The following DCDC2 variants were observed in gnomAD, a reference collection of about 807,000 sequenced individuals.
DCDC2 encodes doublecortin domain containing 2.
A neutral mutation model predicts 50.2 loss-of-function variants in DCDC2; 40 were observed. That is an observed-to-expected ratio of 0.80 (90% CI 0.62 to 1.04). The LOEUF is 1.04. Ranked by LOEUF, DCDC2 falls within the 50% of genes least tolerant of loss-of-function variation. The pLI is 0.00. For synonymous variants in DCDC2, 234 were observed against 210.6 expected (o/e 1.11, Z -0.96); for missense variants, 570 against 581.9 (o/e 0.98, Z 0.21).
intron 2 of DCDC2, among the ~76,000 whole-genome samples, chr6:24,308,025 G>A (rs1759505978): frequency 6.6e-6 from 1 of 152,178 alleles, no homozygotes; most frequent in African/African-American, 2.4e-5. Flanking sequence ...AACCTCCATA[G>A]ACAGTCAGCC....
chr6:24,255,968 C>G (rs1165915587), intron 7 of DCDC2, among the ~76,000 whole-genome samples: 12 of 152,094 alleles, frequency 7.9e-5, no homozygotes, highest in Admixed American at 6.6e-4. Flanking sequence ...CTCAATCAAG[C>G]CCCAAACTGG....
At chr6:24,363,499 T>C in the DCDC2 span, among the ~76,000 whole-genome samples, 2 of 152,034 alleles carry the variant, frequency 1.3e-5, no homozygotes, top group Non-Finnish European at 2.9e-5. Context: ...AGACCCTGTC[T>C]CAAAAAATCA....
intron 2 of DCDC2, among the ~76,000 whole-genome samples, chr6:24,303,258 G>A (rs897020106): frequency 6.6e-6 from 1 of 151,936 alleles, no homozygotes; most frequent in African/African-American, 2.4e-5. Flanking sequence ...CTTTAATACT[G>A]GAAGATAAAT....
chr6:24,284,818 T>C (rs989364620), intron 6 of DCDC2, among the ~76,000 whole-genome samples: 1 of 152,094 alleles, frequency 6.6e-6, no homozygotes, highest in Non-Finnish European at 1.5e-5. Context: ...GTGACTTTGT[T>C]TCCTCTGCCT....
chr6:24,257,639 G>T (rs191786540), intron 7 of DCDC2, among the ~76,000 whole-genome samples: 4 of 151,620 alleles, frequency 2.6e-5, no homozygotes, highest in African/African-American at 9.7e-5. Context: ...ACACGCGATC[G>T]AGAAACTCTA....
chr6:24,273,579 G>C (rs1763286920), intron 7 of DCDC2, among the ~76,000 whole-genome samples: 1 of 152,170 alleles, frequency 6.6e-6, no homozygotes, highest in Non-Finnish European at 1.5e-5. Flanking sequence ...TTACATATTT[G>C]CTTCCCAGAT....
intron 8 of DCDC2, among the ~76,000 whole-genome samples, chr6:24,191,024 C>A (rs1761302466): frequency 6.6e-6 from 1 of 152,280 alleles, no homozygotes; most frequent in South Asian, 2.1e-4. Context: ...CGGATCATGT[C>A]TCTGAGGGAA....
intron 2 of DCDC2, among the ~76,000 whole-genome samples, chr6:24,322,005 T>C (rs1759782176): frequency 6.6e-6 from 1 of 152,216 alleles, no homozygotes; most frequent in African/African-American, 2.4e-5. Flanking sequence ...TTTCTTTTTG[T>C]CTTTGCAATC....
In DCDC2 at chr6:24,278,396, G is replaced by T. The variant is rs557989587; in HGVS notation, c.760-185C>A. On this transcript the variant is annotated intron_variant, in intron 6 of 9. Coordinates refer to ENST00000378454, the MANE Select transcript of DCDC2 (RefSeq NM_016356.5). The stretch of plus-strand genomic sequence containing the variant: ...ATCTTCCTGGAGGCAAAAGGGTCTA[G>T]GAGAGGAAGGAGGATAAAAATAATA... Among the ~76,000 whole-genome samples, 25 of 152,276 alleles carry T rather than the reference G, an allele frequency of 1.6e-4. 2 individuals carry two copies. In the South Asian group the frequency reaches 5.0e-3, roughly 30 times the overall value.
chr6:24,277,015 T>C (rs1763373350), intron 7 of DCDC2, among the ~76,000 whole-genome samples: 1 of 152,200 alleles, frequency 6.6e-6, no homozygotes, highest in Non-Finnish European at 1.5e-5. Flanking sequence ...ATTTCGCCTG[T>C]TCTTTTAACC....
intron 2 of DCDC2, among the ~76,000 whole-genome samples, chr6:24,304,960 C>T (rs1278806746): frequency 1.3e-5 from 2 of 152,184 alleles, no homozygotes; most frequent in Non-Finnish European, 2.9e-5. Flanking sequence ...ACAGAGGATG[C>T]TCTGCTGTTA....
chr6:24,202,771 A>C (rs1561888380), intron 8 of DCDC2, among the ~76,000 whole-genome samples: 2 of 152,230 alleles, frequency 1.3e-5, no homozygotes, highest in Non-Finnish European at 2.9e-5. Flanking sequence ...TAAGCTGATA[A>C]GTAACTTCAG....
intron 7 of DCDC2, among the ~76,000 whole-genome samples, chr6:24,239,381 C>T (rs1430433277): frequency 6.6e-6 from 1 of 152,122 alleles, no homozygotes; most frequent in Non-Finnish European, 1.5e-5. Flanking sequence ...AAAGGTGGAC[C>T]ACCTAGATCA....
the DCDC2 span, among the ~76,000 whole-genome samples, chr6:24,377,057 C>T: frequency 6.6e-6 from 1 of 152,300 alleles, no homozygotes; most frequent in East Asian, 1.9e-4. Flanking sequence ...CTGGAGGATT[C>T]TCCTGTCTCT....
At chr6:24,322,775 C>A (rs1369270271) in intron 2 of DCDC2, among the ~76,000 whole-genome samples, 1 of 152,166 alleles carries the variant, frequency 6.6e-6, no homozygotes, top group African/African-American at 2.4e-5. Flanking sequence ...CCTTTCTGAA[C>A]CAAACAAATG....
At chr6:24,301,640 A>T (rs931876275) in intron 4 of DCDC2, 75 bp downstream of exon 4, 3 of 1,559,206 alleles carry the variant, frequency 1.9e-6, no homozygotes, top group Non-Finnish European at 2.6e-6. Flanking sequence ...TCCACAGACC[A>T]GTGACTCCGG....
upstream of DCDC2, among the ~76,000 whole-genome samples, chr6:24,360,200 C>T (rs1247329714): frequency 6.6e-6 from 1 of 152,218 alleles, no homozygotes; most frequent in African/African-American, 2.4e-5. Flanking sequence ...TGAACCAGGC[C>T]TGGCTTGCGC....
At chr6:24,338,249 C>G (rs1378331729) in intron 2 of DCDC2, among the ~76,000 whole-genome samples, 1 of 152,162 alleles carries the variant, frequency 6.6e-6, no homozygotes, top group Non-Finnish European at 1.5e-5. Flanking sequence ...TGCACATGCA[C>G]AAACACTCAC....
In DCDC2 at chr6:24,172,831, C is replaced by CA. The variant is rs1466523473; in HGVS notation, c.*1898dup. 6.6e-6 allele frequency: 1 copy of CA among 151,886 alleles called. No individual in the cohort carries two copies. The highest frequency in any genetic ancestry group is 2.4e-5 in the African/African-American group (1 of 41,450). The allele number at this position is 151,886 out of a possible 1,614,324, so 9.4% of individuals were successfully genotyped here. On this transcript the variant is annotated 3_prime_UTR_variant, in exon 10 of 10. Coordinates refer to ENST00000378454, the MANE Select transcript of DCDC2 (RefSeq NM_016356.5). The stretch of plus-strand genomic sequence containing the variant: ...CAACATGGTGAAACATCTGTCTCTA[C>CA]AAAAAATACAAAAATTAGCCAGGTG...
Sources: allele counts gnomAD v4.1 joint callset (sites outside exome capture counted in the v4.1 genomes callset), GRCh38; gene constraint gnomAD v4.1.1; transcripts MANE v1.5; gene names NCBI Gene and HGNC (gene_info 2026-07-23, HGNC 2026-07-21).